Variants in NTM observed in about 807,000 individuals in gnomAD.
NTM encodes the protein neurotrimin.
In NTM, 13 loss-of-function variants were observed where a neutral mutation model predicts 42.1. The observed-to-expected ratio is 0.31, with a 90% CI of 0.20 to 0.49. The LOEUF is 0.49. NTM is among the 20% of genes least tolerant of loss of function. The pLI, the probability that NTM is intolerant of heterozygous loss-of-function variation, is 0.99. For missense variants in NTM, 373 were observed against 452.8 expected (o/e 0.82, Z 1.60); for synonymous variants, 187 against 179.2 (o/e 1.04, Z -0.35).
chr11:132,147,686 C>A (rs1053852673), intron 3 of NTM, among the ~76,000 whole-genome samples: 2 of 152,044 alleles, frequency 1.3e-5, no homozygotes, highest in African/African-American at 2.4e-5. Flanking sequence ...GTGCTGGAGC[C>A]CTTTCCCAGG....
intron 1 of NTM, among the ~76,000 whole-genome samples, chr11:131,860,708 T>G (rs371735137): frequency 9.2e-5 from 14 of 152,178 alleles, no homozygotes; most frequent in Admixed American, 1.3e-4. Context: ...AAGCAGGCCT[T>G]TCTAAGGGCA....
At position 132,242,397 on chromosome 11, in the gene NTM, A is replaced by G. The variant is rs78542089; in HGVS notation, c.526+30250A>G. ...AAGAAAAAATGTTACATTTAGGGGAAAAAAGGGGGGCTCCTGCTTAGTTAA... is the reference window on the plus strand; with the variant it reads ...AAGAAAAAATGTTACATTTAGGGGAGAAAAGGGGGGCTCCTGCTTAGTTAA... On this transcript the variant is annotated intron_variant, in intron 4 of 8. Coordinates refer to ENST00000683400, the MANE Select transcript of NTM (RefSeq NM_001352005.2). Among the ~76,000 whole-genome samples, 243 of 152,314 alleles carry G rather than the reference A, an allele frequency of 1.6e-3. 2 individuals are homozygous for G. The East Asian group carries it at 0.02, about 13-fold the overall frequency.
intron 2 of NTM, among the ~76,000 whole-genome samples, chr11:132,011,864 T>G (rs1006860187): frequency 6.6e-6 from 1 of 152,210 alleles, no homozygotes; most frequent in African/African-American, 2.4e-5. Flanking sequence ...TTCCCTATTC[T>G]GTATCTCAGA....
At chr11:131,406,524 C>T (rs1945827027) in intron 1 of NTM, among the ~76,000 whole-genome samples, 1 of 152,196 alleles carries the variant, frequency 6.6e-6, no homozygotes, top group Non-Finnish European at 1.5e-5. Flanking sequence ...ATGTCTGAAA[C>T]TCTTGGATAA....
chr11:131,840,311 C>T (rs183446236), intron 1 of NTM, among the ~76,000 whole-genome samples: 1 of 152,114 alleles, frequency 6.6e-6, no homozygotes, highest in Non-Finnish European at 1.5e-5. Flanking sequence ...GGACACAGAG[C>T]AGGACACTGT....
At chr11:131,645,357 C>T (rs1028793158) in intron 1 of NTM, among the ~76,000 whole-genome samples, 4 of 152,306 alleles carry the variant, frequency 2.6e-5, no homozygotes, top group Non-Finnish European at 5.9e-5. Flanking sequence ...TTCTGCAATG[C>T]TCCCAGTCCT....
chr11:132,330,553 G>C (rs2095783917), intron 8 of NTM, among the ~76,000 whole-genome samples: 1 of 152,156 alleles, frequency 6.6e-6, no homozygotes, highest in South Asian at 2.1e-4. Context: ...TGCTGCCCTT[G>C]CTTGCACCAT....
At chr11:131,851,540 T>C (rs1426131601) in intron 1 of NTM, among the ~76,000 whole-genome samples, 7 of 150,550 alleles carry the variant, frequency 4.6e-5, no homozygotes, top group African/African-American at 7.4e-5. Flanking sequence ...GGCGTGTGTG[T>C]GTGTGTGTGT....
intron 1 of NTM, among the ~76,000 whole-genome samples, chr11:131,497,377 C>CA (rs1217948247): frequency 7.7e-5 from 6 of 78,252 alleles, no homozygotes; most frequent in Admixed American, 1.7e-4. Context: ...TTAGTAGAGA[C>CA]GGGGTTTCAC....
At chr11:132,063,560 A>G (rs2081000879) in intron 2 of NTM, among the ~76,000 whole-genome samples, 1 of 152,190 alleles carries the variant, frequency 6.6e-6, no homozygotes, top group Non-Finnish European at 1.5e-5. Flanking sequence ...GAGCCAGCAG[A>G]GCCTGAAAAG....
intron 1 of NTM, among the ~76,000 whole-genome samples, chr11:131,781,113 CA>C (rs1332361320): frequency 6.6e-6 from 1 of 151,934 alleles, no homozygotes; most frequent in East Asian, 1.9e-4. Context: ...GATGTAACTG[CA>C]GACTGATTTT....
chr11:131,401,850 A>G (rs1191234807), intron 1 of NTM, among the ~76,000 whole-genome samples: 5 of 103,000 alleles, frequency 4.9e-5, no homozygotes, highest in East Asian at 3.2e-4. Flanking sequence ...ATATATATAT[A>G]TATATATATA....
intron 1 of NTM, among the ~76,000 whole-genome samples, chr11:131,542,684 T>C (rs778593375): frequency 7.2e-5 from 11 of 152,114 alleles, no homozygotes; most frequent in African/African-American, 2.4e-5. Flanking sequence ...ACTAGTGAGT[T>C]AGTTCAAGAG....
At position 132,047,226 on chromosome 11, in the gene NTM, G is replaced by T. The variant is rs148530686; in HGVS notation, c.168-99056G>T. ...AATGAGCAGGATTCTGACACTGAAT[G>T]CTCCAGAAGGGAAGTTTATCCTTTT... On this transcript the variant is annotated intron_variant, in intron 2 of 8. Transcript: ENST00000683400. Among the ~76,000 whole-genome samples the T allele has an allele frequency of 6.4e-3, 981 of 152,368 alleles. 5 individuals carry two copies. Among genetic ancestry groups the T allele is most frequent in the South Asian group, 0.028 (134 of 4,824 alleles).
chr11:131,512,170 G>A (rs1166540716), intron 1 of NTM, among the ~76,000 whole-genome samples: 1 of 152,224 alleles, frequency 6.6e-6, no homozygotes, highest in Non-Finnish European at 1.5e-5. Flanking sequence ...GGGGACACGA[G>A]TGGATGAAAC....
At chr11:131,800,981 T>C (rs917934557) in intron 1 of NTM, among the ~76,000 whole-genome samples, 2 of 152,184 alleles carry the variant, frequency 1.3e-5, no homozygotes, top group African/African-American at 4.8e-5. Flanking sequence ...ATTCCGGTTA[T>C]AGGAAATTGC....
intron 7 of NTM, chr11:132,314,992 A>ATGAAAAAGAATGTTCATGTTTC (rs2095389870): frequency 8.6e-7 from 1 of 1,166,544 alleles, no homozygotes. Context: ...GAAAAGGAAA[A>ATGAAAAAGAATGTTCATGTTTC]TGAAAAAGAA....
At chr11:131,906,597 C>G (rs1011023131) in intron 1 of NTM, among the ~76,000 whole-genome samples, 4 of 152,160 alleles carry the variant, frequency 2.6e-5, no homozygotes, top group Non-Finnish European at 5.9e-5. Flanking sequence ...AGGCTGTCCC[C>G]TTTGGGCACC....
intron 2 of NTM, among the ~76,000 whole-genome samples, chr11:132,004,628 T>TCACA (rs1289413447): frequency 3.5e-4 from 52 of 150,504 alleles, no homozygotes; most frequent in African/African-American, 1.1e-3. Context: ...TCTCTCTCTC[T>TCACA]CTCTCTCACA....
Sources: allele counts gnomAD v4.1 joint callset (sites outside exome capture counted in the v4.1 genomes callset), GRCh38; gene constraint gnomAD v4.1.1; transcripts MANE v1.5; gene names NCBI Gene and HGNC (gene_info 2026-07-23, HGNC 2026-07-21).